Variants in SI observed in about 807,000 individuals in gnomAD.
The protein encoded by SI is sucrase-isomaltase.
A neutral mutation model predicts 253.3 loss-of-function variants in SI; 235 were observed. That is an observed-to-expected ratio of 0.93 (90% confidence interval 0.83 to 1.03). The LOEUF is 1.03. Ranked by LOEUF, SI falls within the 50% of genes least tolerant of loss-of-function variation. The pLI is 0.00. For synonymous variants in SI, 819 were observed against 712.0 expected (o/e 1.15, Z -2.39); for missense variants, 2,442 against 2,211.1 (o/e 1.10, Z -2.09).
chr3:165,065,069 T>C (rs1488495838), intron 7 of SI, among the ~76,000 whole-genome samples, 192 bp downstream of exon 7: 3 of 151,974 alleles, frequency 2.0e-5, no homozygotes, highest in Non-Finnish European at 4.4e-5. Flanking sequence ...CTTTACAAAA[T>C]CTGTTGGTCA....
At chr3:165,009,855 GC>G (rs1232176075) in intron 34 of SI, among the ~76,000 whole-genome samples, 1 of 151,974 alleles carries the variant, frequency 6.6e-6, no homozygotes, top group Non-Finnish European at 1.5e-5. Flanking sequence ...CTCACATCTA[GC>G]CCTTCTCATC....
chr3:165,072,481 C>A (rs1397625290), intron 3 of SI, among the ~76,000 whole-genome samples: 1 of 151,858 alleles, frequency 6.6e-6, no homozygotes, highest in South Asian at 2.1e-4. Context: ...AAAATTGCAA[C>A]ATCTCCTAAA....
At chr3:165,017,516 A>G (rs1559990955) in intron 31 of SI, 32 bp downstream of exon 31, 2 of 1,595,006 alleles carry the variant, frequency 1.3e-6, no homozygotes, top group Non-Finnish European at 1.7e-6. Context: ...CGTATTCCAT[A>G]TTTAACATTG....
intron 4 of SI, 32 bp from the exon 5 acceptor site, chr3:165,068,863 A>T (rs761014921): frequency 7.4e-7 from 1 of 1,360,014 alleles, no homozygotes; most frequent in Non-Finnish European, 1.1e-6. Flanking sequence ...GCCATGAGTG[A>T]CTTGATTTAT....
At chr3:164,985,436 A>T (rs2108113977) in intron 45 of SI, among the ~76,000 whole-genome samples, 1 of 152,242 alleles carries the variant, frequency 6.6e-6, no homozygotes, top group East Asian at 1.9e-4. Flanking sequence ...TGATATCTTC[A>T]CTTTCTAAGT....
At chr3:165,045,277 A>G (rs1307923897) in intron 16 of SI, among the ~76,000 whole-genome samples, 1 of 152,092 alleles carries the variant, frequency 6.6e-6, no homozygotes, top group Non-Finnish European at 1.5e-5. Context: ...GAGAATGCCT[A>G]TTCCTAATAT....
At chr3:165,034,270 T>C in intron 22 of SI, among the ~76,000 whole-genome samples, 1 of 151,964 alleles carries the variant, frequency 6.6e-6, no homozygotes, top group East Asian at 1.9e-4. Flanking sequence ...GGTATCATAT[T>C]AGATAACTGA....
At chr3:165,017,433 T>C in intron 31 of SI, 115 bp downstream of exon 31, 1 of 966,836 alleles carries the variant, frequency 1.0e-6, no homozygotes, top group Non-Finnish European at 1.6e-6. Context: ...AAGGTGCCAG[T>C]AAAAAAAGCT....
intron 45 of SI, among the ~76,000 whole-genome samples, chr3:164,984,508 TA>T (rs1199624550): frequency 6.6e-6 from 1 of 152,060 alleles, no homozygotes; most frequent in Non-Finnish European, 1.5e-5. Flanking sequence ...AATTCTGAGT[TA>T]AAAAAAGCAA....
At chr3:165,045,848 ATTTTTTTTTTT>A (rs74590097) in intron 16 of SI, among the ~76,000 whole-genome samples, 1 of 120,816 alleles carries the variant, frequency 8.3e-6, no homozygotes, top group South Asian at 2.7e-4. Context: ...ATGTTTTTCA[ATTTTTTTTTTT>A]TTTTTTTTTG....
At chr3:165,074,076 C>T (rs1714782131) in intron 3 of SI, among the ~76,000 whole-genome samples, 1 of 152,058 alleles carries the variant, frequency 6.6e-6, no homozygotes, top group African/African-American at 2.4e-5. Context: ...TCTCCATTTT[C>T]TCTTCTTCAC....
At position 165,065,341 on chromosome 3, in the gene SI, C is replaced by T. The variant is rs775432797; in HGVS notation, c.727G>A (p.Glu243Lys). ...LPSDYIYGIG[E>K]QVHKRFRHDL... is the part of the protein sequence containing the mutation. The stretch of plus-strand genomic sequence containing the variant: ...TGACGAAATCTCTTATGAACTTGTT[C>T]TCCAATACCATAAATATAATCACTT... The change falls in exon 7 of 48, where the codon GAA (glutamate) becomes AAA (lysine). Residue 243 changes from glutamate (E) to lysine (K), a missense_variant. Glu to Lys is a moderately conservative substitution (Grantham distance 56, BLOSUM62 1). Transcript: ENST00000264382. 1.1e-5 allele frequency: 17 copies of T among 1,601,798 alleles called. No individual in the cohort carries two copies. In the Admixed American group the frequency reaches 2.7e-4, roughly 25 times the overall value.
chr3:165,041,111 G>T lies in SI; in HGVS notation c.2005-17C>A, dbSNP rs1269032764. The T allele has an allele frequency of 1.2e-6, 2 of 1,610,684 alleles. No individual in the cohort carries two copies. The highest frequency in any genetic ancestry group is 2.2e-5 in the East Asian group (1 of 44,664). ...ATCCTGATGCTGTGAGATAGAAAGAGAAATTAAAATAAGAAAGCTAAAGTA... is the reference window on the plus strand; with the variant it reads ...ATCCTGATGCTGTGAGATAGAAAGATAAATTAAAATAAGAAAGCTAAAGTA... On this transcript the variant is annotated splice_polypyrimidine_tract_variant and intron_variant, in intron 17 of 47. Coordinates refer to ENST00000264382, the MANE Select transcript of SI (RefSeq NM_001041.4).
At chr3:165,082,363 C>T (rs780330515), upstream of SI, among the ~76,000 whole-genome samples, 2 of 151,872 alleles carry the variant, frequency 1.3e-5, no homozygotes, top group Admixed American at 1.3e-4. Flanking sequence ...TAACTGGTCT[C>T]CCAAACTCCA....
chr3:165,013,344 A>C (rs1057204788), intron 33 of SI, among the ~76,000 whole-genome samples: 15 of 152,254 alleles, frequency 9.9e-5, no homozygotes, highest in African/African-American at 3.4e-4. Flanking sequence ...TAATATGAAA[A>C]ATATAAGTTA....
At chr3:164,979,452 T>A (rs1430329300) in intron 47 of SI, 22 bp from the exon 48 acceptor site, 2 of 1,314,434 alleles carry the variant, frequency 1.5e-6, no homozygotes, top group Non-Finnish European at 2.2e-6. Context: ...AAATAATAAT[T>A]AGTTGTTTAA....
At chr3:164,985,194 G>A (rs528707841) in intron 45 of SI, among the ~76,000 whole-genome samples, 2 of 152,290 alleles carry the variant, frequency 1.3e-5, no homozygotes, top group Admixed American at 1.3e-4. Context: ...GATAGGAGGA[G>A]CTGGAGAAAA....
rs1048013652 is a variant in SI, at chr3:165,063,688, G to C, written c.808-147C>G. Reference sequence around the variant, plus strand: ...CAAATTGTCTTCACTATATGTACCAGTGAAATATTATAGGTAAAACAAAAA... The same window carrying C: ...CAAATTGTCTTCACTATATGTACCACTGAAATATTATAGGTAAAACAAAAA... On this transcript the variant is annotated intron_variant, in intron 7 of 47. Coordinates refer to ENST00000264382, the MANE Select transcript of SI (RefSeq NM_001041.4). 1.7e-5 allele frequency: 8 copies of C among 457,514 alleles called. No homozygotes were observed. In the South Asian group the frequency reaches 2.4e-4, roughly 14 times the overall value. 28.3% of individuals were successfully genotyped at this position (457,514 alleles called of 1,614,324 possible).
At chr3:164,994,979 G>T (rs1301524416) in intron 40 of SI, among the ~76,000 whole-genome samples, 3 of 151,700 alleles carry the variant, frequency 2.0e-5, no homozygotes, top group Non-Finnish European at 3.0e-5. Flanking sequence ...TTAGTCTAAA[G>T]TTTAGAGTGG....
Sources: allele counts gnomAD v4.1 joint callset (sites outside exome capture counted in the v4.1 genomes callset), GRCh38; gene constraint gnomAD v4.1.1; transcripts MANE v1.5; gene names NCBI Gene and HGNC (gene_info 2026-07-23, HGNC 2026-07-21).